The following METTL16 variants were observed in gnomAD, a reference collection of about 807,000 sequenced individuals.
The protein encoded by METTL16 is methyltransferase 16, RNA N6-adenosine, also known as RNA N(6)-adenosine-methyltransferase METTL16.
Under a neutral mutation model 57.9 loss-of-function variants are expected in METTL16, and 19 were observed. That is an observed-to-expected ratio of 0.33 (90% CI 0.23 to 0.48). The LOEUF (loss-of-function observed/expected upper bound fraction) is 0.48, where lower values mean the gene tolerates loss of function less well. METTL16 is among the 20% of genes least tolerant of loss of function. The pLI, the probability that METTL16 is intolerant of heterozygous loss-of-function variation, is 0.99. For synonymous variants in METTL16, 246 were observed against 255.6 expected, an observed-to-expected ratio of 0.96 and a Z score of 0.36; for missense variants, 434 against 691.5, an observed-to-expected ratio of 0.63 and a Z score of 4.18.
At chr17:2,463,867 C>CTTAT (rs1227336739) in intron 6 of METTL16, among the ~76,000 whole-genome samples, 1 of 151,814 alleles carries the variant, frequency 6.6e-6, no homozygotes, top group African/African-American at 2.4e-5. Context: ...AGCCTCATGC[C>CTTAT]TATAATTCCA....
rs2067494301 is a variant in METTL16, at chr17:2,502,237, T to A, written c.95A>T (p.Gln32Leu). 9 of 1,613,932 alleles carry A rather than the reference T, an allele frequency of 5.6e-6. No homozygotes were observed. Among genetic ancestry groups the A allele is most frequent in the Non-Finnish European group, 7.6e-6 (9 of 1,179,990 alleles). Residue 32 changes from glutamine (Q) to leucine (L), a missense_variant, in exon 2 of 10, where the codon CAG becomes CTG. Gln to Leu is a moderately radical substitution (Grantham distance 113, BLOSUM62 -2). This residue lies in a region of METTL16 where 118 missense variants were observed against 280.0 expected (regional missense o/e 0.42). Transcript: ENST00000263092. ...YLASKYPDFK[Q>L]HVQINLNGRV... ...TCCATTCAGATTTATCTGAACATGC[T>A]GCTTAAAATCTGGATATTTGGATGC...
chr17:2,479,966 C>T (rs2067293275), intron 2 of METTL16, among the ~76,000 whole-genome samples: 1 of 152,062 alleles, frequency 6.6e-6, no homozygotes, highest in African/African-American at 2.4e-5. Context: ...GTGGGTGGAT[C>T]ACCTGAGGTT....
intron 6 of METTL16, among the ~76,000 whole-genome samples, chr17:2,444,008 A>T (rs1458023994): frequency 2.0e-5 from 3 of 152,214 alleles, no homozygotes; most frequent in African/African-American, 7.2e-5. Context: ...AAAATTGCTA[A>T]AAGATTAGAC....
chr17:2,424,089 T>C lies in METTL16; in HGVS notation c.889-3185A>G, dbSNP rs558541682. 375 of 70,228 alleles carry C rather than the reference T, an allele frequency of 5.3e-3. 1 individual carries two copies. The highest frequency in any genetic ancestry group is 0.022 in the African/African-American group (349 of 16,084). 4.4% of individuals were successfully genotyped at this position (70,228 alleles called of 1,614,324 possible). A position where few individuals can be genotyped will look rare whatever the true frequency, so the allele number is the denominator to read the frequency against. On this transcript the variant is annotated intron_variant, in intron 8 of 9. Transcript: ENST00000263092. ...TGAAGATTTTTTAAAAAATTTTCCTTTTATTTTATTTTATTTTATTTTATT... is the reference window on the plus strand; with the variant it reads ...TGAAGATTTTTTAAAAAATTTTCCTCTTATTTTATTTTATTTTATTTTATT...
chr17:2,453,041 C>T (rs1475061048), intron 6 of METTL16, among the ~76,000 whole-genome samples: 1 of 151,894 alleles, frequency 6.6e-6, no homozygotes, highest in Non-Finnish European at 1.5e-5. Context: ...TGTATTTTCC[C>T]TAGAGACAGG....
chr17:2,487,364 G>A (rs967174934), intron 2 of METTL16, among the ~76,000 whole-genome samples: 3 of 152,196 alleles, frequency 2.0e-5, no homozygotes, highest in South Asian at 2.1e-4. Flanking sequence ...GCCCTGGCAC[G>A]GATAACAGCG....
intron 7 of METTL16, among the ~76,000 whole-genome samples, chr17:2,441,124 TAAAA>T (rs1169752097): frequency 6.6e-6 from 1 of 151,966 alleles, no homozygotes; most frequent in Non-Finnish European, 1.5e-5. Flanking sequence ...TATTCAGCCA[TAAAA>T]AAGAATGAAA....
chr17:2,496,928 G>A (rs1045122820), intron 2 of METTL16, among the ~76,000 whole-genome samples: 13 of 151,682 alleles, frequency 8.6e-5, no homozygotes, highest in Non-Finnish European at 1.9e-4. Flanking sequence ...CCCAGACTAT[G>A]AGAAATAAAT....
intron 4 of METTL16, among the ~76,000 whole-genome samples, chr17:2,472,178 A>G (rs2067240034): frequency 6.6e-6 from 1 of 152,176 alleles, no homozygotes; most frequent in Non-Finnish European, 1.5e-5. Flanking sequence ...ACAGATGGTA[A>G]ATAAGCACAT....
rs573363128 is a variant in METTL16, at chr17:2,421,121, T to C, written c.889-217A>G. Among the ~76,000 whole-genome samples, 14 of 152,264 alleles carry C rather than the reference T, an allele frequency of 9.2e-5. No homozygotes were observed. The South Asian group carries it at 2.7e-3, about 29-fold the overall frequency. On this transcript the variant is annotated intron_variant, in intron 8 of 9. Transcript: ENST00000263092. ...ATAATCCCAGCACTTTGGGGGGCCA[T>C]GGCAGGAGCATCACTTGAGCCCAGG...
At chr17:2,421,821 G>A (rs575453373) in intron 8 of METTL16, among the ~76,000 whole-genome samples, 10 of 152,308 alleles carry the variant, frequency 6.6e-5, no homozygotes, top group South Asian at 6.2e-4. Flanking sequence ...CTCCTGAATC[G>A]TGGCTGATGT....
At chr17:2,482,815 G>A (rs1464522028) in intron 2 of METTL16, among the ~76,000 whole-genome samples, 1 of 152,182 alleles carries the variant, frequency 6.6e-6, no homozygotes, top group African/African-American at 2.4e-5. Context: ...TACGCAGGAG[G>A]CAGGAGGATC....
chr17:2,420,163 G>A lies in METTL16; in HGVS notation c.1496C>T (p.Pro499Leu), dbSNP rs199713206. ...DQEASEQFGS[P>L]VAERGKRLPG... ...GAGACGTTTCCCCCTTTCAGCCACT[G>A]GGCTGCCGAACTGCTCAGAAGCCTC... Residue 499 changes from proline (P) to leucine (L), a missense_variant, in exon 10 of 10, where the codon CCA (proline) becomes CTA (leucine). This residue lies in a region of METTL16 where 168 missense variants were observed against 149.6 expected (regional missense o/e 1.12). Transcript: ENST00000263092. This position sits in a 1 kb window ranked among gnomAD's most constrained non-coding sequence, Gnocchi z 5.4. 3.5e-5 allele frequency: 56 copies of A among 1,614,070 alleles called. No individual in the cohort carries two copies. Among genetic ancestry groups the A allele is most frequent in the Non-Finnish European group, 4.6e-5 (54 of 1,180,038 alleles).
At chr17:2,428,539 AAAAAAAAAAAAAAAAAAAAAAAAAAATAT>A (rs1567881518) in intron 8 of METTL16, among the ~76,000 whole-genome samples, 1 of 42,158 alleles carries the variant, frequency 2.4e-5, no homozygotes, top group Non-Finnish European at 4.1e-5. Context: ...AAAAAAAAAA[AAAAAAAAAAAAAAAAAAAAAAAAAAATAT>A]ATATATATAT....
chr17:2,447,411 C>A (rs2067009258), intron 6 of METTL16, among the ~76,000 whole-genome samples: 1 of 139,632 alleles, frequency 7.2e-6, no homozygotes, highest in African/African-American at 3.1e-5. Context: ...AAGTGAGGAG[C>A]GTCTCCGCCC....
chr17:2,441,199 C>T (rs148552760), intron 7 of METTL16, among the ~76,000 whole-genome samples: 1,800 of 152,180 alleles, frequency 0.012, 11 homozygotes, highest in Middle Eastern at 0.044. Flanking sequence ...ACAACTGAGA[C>T]AAATACCACG....
At chr17:2,438,477 T>C (rs1274027061) in intron 7 of METTL16, among the ~76,000 whole-genome samples, 1 of 152,152 alleles carries the variant, frequency 6.6e-6, no homozygotes, top group African/African-American at 2.4e-5. Flanking sequence ...TAGAGAATTA[T>C]TTGTAATATG....
At chr17:2,505,996 T>C (rs2067530082) in intron 1 of METTL16, among the ~76,000 whole-genome samples, 2 of 151,298 alleles carry the variant, frequency 1.3e-5, no homozygotes, top group African/African-American at 4.9e-5. Flanking sequence ...TGAGACAGAG[T>C]CTCCCTCTGT....
intron 1 of METTL16, 109 bp from the exon 2 acceptor site, chr17:2,502,440 G>A (rs1451358586): frequency 1.0e-6 from 1 of 970,746 alleles, no homozygotes; most frequent in Non-Finnish European, 1.5e-6. Context: ...GGAGGCCAAG[G>A]TAAGTAGATC....
Sources: gnomAD v4.1 joint callset for allele counts (sites outside exome capture counted in the v4.1 genomes callset) on GRCh38, gnomAD v4.1.1 for gene constraint, gnomAD v4.1.1 regional missense constraint, Gnocchi (gnomAD v3.1) non-coding constraint, MANE v1.5 for transcripts, NCBI Gene and HGNC (gene_info 2026-07-23, HGNC 2026-07-21) for gene names.